The following TOGARAM1 variants were observed in gnomAD, a reference collection of about 807,000 sequenced individuals.
The protein encoded by TOGARAM1 is TOG array regulator of axonemal microtubules protein 1.
TOGARAM1 carries 100 observed loss-of-function variants against 166.6 expected under a neutral mutation model. That is an observed-to-expected ratio of 0.60 (90% CI 0.51 to 0.71). The LOEUF (loss-of-function observed/expected upper bound fraction) is 0.71. TOGARAM1 is among the 30% of genes least tolerant of loss of function. The pLI, the probability that TOGARAM1 is intolerant of heterozygous loss-of-function variation, is 0.00. For synonymous variants in TOGARAM1, 758 were observed against 763.8 expected, an observed-to-expected ratio of 0.99 and a Z score of 0.13; for missense variants, 2,029 against 2,102.7, an observed-to-expected ratio of 0.96 and a Z score of 0.69.
intron 4 of TOGARAM1, 24 bp from the exon 5 acceptor site, chr14:45,005,984 G>A: frequency 1.3e-6 from 2 of 1,523,670 alleles, no homozygotes; most frequent in Non-Finnish European, 1.8e-6. Context: ...AAAAGAAAAA[G>A]TAAAATATCT....
chr14:45,044,674 G>T lies in TOGARAM1; in HGVS notation c.3958G>T (p.Val1320Phe). ...LRSGVSRAAV[V>F]CLSDLFTYLK... is the part of the protein sequence containing the mutation. The stretch of plus-strand genomic sequence containing the variant: ...TTCTGGAGTTTCTCGTGCTGCTGTG[G>T]TCTGTTTAAGTGATCTTTTCACTTA... The change falls in exon 13 of 20, where the codon GTC becomes TTC. Residue 1320 changes from valine to phenylalanine, a missense_variant. By Grantham distance (50) the Val-to-Phe change is conservative (BLOSUM62 -1). Transcript: ENST00000361462. 6.2e-7 allele frequency: 1 copy of T among 1,613,410 alleles called. No homozygotes were observed. Among genetic ancestry groups the T allele is most frequent in the Middle Eastern group, 1.7e-4 (1 of 6,060 alleles).
intron 11 of TOGARAM1, among the ~76,000 whole-genome samples, chr14:45,043,241 G>T (rs1208386223): frequency 6.6e-6 from 1 of 151,562 alleles, no homozygotes; most frequent in Non-Finnish European, 1.5e-5. Context: ...GCAGTGGTGC[G>T]ATCTTGGCTC....
At chr14:45,021,455 G>A (rs1008116507) in intron 7 of TOGARAM1, among the ~76,000 whole-genome samples, 3 of 152,076 alleles carry the variant, frequency 2.0e-5, no homozygotes, top group Non-Finnish European at 4.4e-5. Context: ...GAATGAAAGG[G>A]GGTAAGAGAA....
At chr14:45,025,115 T>G (rs1280317960) in intron 7 of TOGARAM1, among the ~76,000 whole-genome samples, 1 of 152,208 alleles carries the variant, frequency 6.6e-6, no homozygotes, top group Non-Finnish European at 1.5e-5. Context: ...AAGATAAAAG[T>G]TAACCTAGAA....
chr14:45,000,605 G>A (rs972265739), intron 3 of TOGARAM1, among the ~76,000 whole-genome samples: 1 of 152,004 alleles, frequency 6.6e-6, no homozygotes, highest in Admixed American at 6.6e-5. Flanking sequence ...TTCTTCTGCC[G>A]ATGGACACTT....
chr14:45,059,182 A>G (rs921228844), intron 16 of TOGARAM1, among the ~76,000 whole-genome samples: 1 of 151,978 alleles, frequency 6.6e-6, no homozygotes, highest in African/African-American at 2.4e-5. Flanking sequence ...GGTTCAAGCA[A>G]TCCTGTTTTA....
rs79983664 is a variant in TOGARAM1, at chr14:44,979,067, T to C, written c.2046+14600T>C. Among the ~76,000 whole-genome samples, 1,358 of 151,870 alleles carry C rather than the reference T, an allele frequency of 8.9e-3. 6 individuals carry two copies. Among genetic ancestry groups the C allele is most frequent in the Non-Finnish European group, 0.014 (977 of 67,944 alleles). The stretch of plus-strand genomic sequence containing the variant: ...GGTTAGAGTAAGATGAATTTTGATA[T>C]AACAATTAGGAGTCAAAATACTGGA... On this transcript the variant is annotated intron_variant, in intron 1 of 19. Transcript: ENST00000361462.
intron 2 of TOGARAM1, chr14:44,996,563 G>A (rs1887421477): frequency 6.6e-6 from 1 of 152,204 alleles, no homozygotes. Context: ...GCATTTTGAA[G>A]AAAGAATTGA....
intron 1 of TOGARAM1, among the ~76,000 whole-genome samples, chr14:44,986,368 C>T (rs1886794228): frequency 6.6e-6 from 1 of 152,150 alleles, no homozygotes; most frequent in African/African-American, 2.4e-5. Flanking sequence ...TAGCTCACTA[C>T]AACCTCAAAC....
At chr14:45,008,492 GA>G (rs1426034328) in intron 5 of TOGARAM1, among the ~76,000 whole-genome samples, 1 of 152,070 alleles carries the variant, frequency 6.6e-6, no homozygotes, top group Non-Finnish European at 1.5e-5. Context: ...TCAAATTTTT[GA>G]AAACTGATTT....
Position 44,963,661 on chromosome 14 carries a change from A to G in TOGARAM1, c.1240A>G (p.Thr414Ala), listed in dbSNP as rs1885346756. The G allele has an allele frequency of 2.5e-6, 4 of 1,613,340 alleles. No homozygotes were observed. The highest frequency in any genetic ancestry group is 3.4e-6 in the Non-Finnish European group (4 of 1,180,032). ...TTCTAACTTCAAAGTGGTGCATGGC[A>G]CACTTGAAGTCCTGCATTTACTGGT... ...DDSNFKVVHG[T>A]LEVLHLLVIR... Residue 414 changes from threonine (T) to alanine (A), a missense_variant, in exon 1 of 20, where the codon ACA (threonine) becomes GCA (alanine). By Grantham distance (58) the Thr-to-Ala change is moderately conservative (BLOSUM62 0). This residue lies in a region of TOGARAM1 where 1,453 missense variants were observed against 1,432.2 expected (regional missense o/e 1.01). Coordinates refer to ENST00000361462, the MANE Select transcript of TOGARAM1 (RefSeq NM_001308120.2).
intron 16 of TOGARAM1, among the ~76,000 whole-genome samples, chr14:45,057,391 G>A (rs754972439): frequency 6.6e-6 from 1 of 151,962 alleles, no homozygotes; most frequent in South Asian, 2.1e-4. Flanking sequence ...GTTCCTTGAA[G>A]TGTGATGTTA....
rs1885761643 is a variant in TOGARAM1, at chr14:44,969,426, A to G, written c.2046+4959A>G. ...CTTGGCCTCCTAAAGTGCTGGGATT[A>G]CAGGTGCAAGCTACCACGCCTGGCC... On this transcript the variant is annotated intron_variant, in intron 1 of 19. Coordinates refer to ENST00000361462, the MANE Select transcript of TOGARAM1 (RefSeq NM_001308120.2). 2.0e-5 allele frequency among the ~76,000 whole-genome samples: 3 copies of G among 152,144 alleles called. 1 individual carries two copies. The highest frequency in any genetic ancestry group is 2.0e-4 in the Admixed American group (3 of 15,276).
chr14:45,026,879 G>A (rs1880878615), intron 8 of TOGARAM1, among the ~76,000 whole-genome samples: 2 of 151,878 alleles, frequency 1.3e-5, no homozygotes, highest in South Asian at 4.2e-4. Context: ...CTGGTGCTGT[G>A]CGTCTGTAGT....
At chr14:45,065,443 A>G (rs1417099158) in intron 16 of TOGARAM1, among the ~76,000 whole-genome samples, 6 of 152,206 alleles carry the variant, frequency 3.9e-5, no homozygotes, top group African/African-American at 1.2e-4. Flanking sequence ...AAAATCTCAT[A>G]ATGTTTTAAG....
At chr14:45,045,579 ATATATGTGTGTGTGTGTGTG>A (rs1881981807) in intron 13 of TOGARAM1, among the ~76,000 whole-genome samples, 2 of 34,984 alleles carry the variant, frequency 5.7e-5, no homozygotes, top group African/African-American at 4.3e-4. Flanking sequence ...ATATATATAT[ATATATGTGTGTGTGTGTGTG>A]TGTGTGTGTG....
chr14:44,971,043 G>GT (rs1951803012), intron 1 of TOGARAM1, among the ~76,000 whole-genome samples: 1 of 152,036 alleles, frequency 6.6e-6, no homozygotes, highest in African/African-American at 2.4e-5. Context: ...GTCTTTGCTG[G>GT]TTTTGGTATT....
rs373313043 is a variant in TOGARAM1 at position 45,052,405 on chromosome 14, A to G, written c.4314-31A>G. 7.3e-5 allele frequency: 116 copies of G among 1,588,264 alleles called. No individual in the cohort carries two copies. The African/African-American group carries it at 1.2e-3, about 17-fold the overall frequency. On this transcript the variant is annotated intron_variant, in intron 14 of 19. Transcript: ENST00000361462. ...CAACTGAGCTTATTAATGTCTAAAA[A>G]GTAATATACCTGTTTTTCAAATACT...
intron 11 of TOGARAM1, among the ~76,000 whole-genome samples, chr14:45,040,142 T>C (rs1454122078): frequency 6.6e-6 from 1 of 152,216 alleles, no homozygotes; most frequent in Non-Finnish European, 1.5e-5. Context: ...TGGAAATTAA[T>C]GACAGGTATT....
Sources: gnomAD v4.1 joint callset for allele counts (sites outside exome capture counted in the v4.1 genomes callset) on GRCh38, gnomAD v4.1.1 for gene constraint, gnomAD v4.1.1 regional missense constraint, MANE v1.5 for transcripts, NCBI Gene and HGNC (gene_info 2026-07-23, HGNC 2026-07-21) for gene names.